Variants in POC5 observed in about 807,000 individuals in gnomAD.
POC5 encodes POC5 centriolar protein.
POC5 carries 48 observed loss-of-function variants against 62.9 expected under a neutral mutation model. The ratio of observed to expected loss-of-function variants is 0.76; its 90% CI spans 0.61 to 0.97. The LOEUF (loss-of-function observed/expected upper bound fraction) is 0.97, where lower values mean the gene tolerates loss of function less well. Among genes scored for constraint, POC5 ranks in the 50% least tolerant of loss-of-function variants. The pLI is 0.00. For missense variants in POC5, 696 were observed against 679.5 expected, an observed-to-expected ratio of 1.02 and a Z score of -0.27; for synonymous variants, 236 against 228.2, an observed-to-expected ratio of 1.03 and a Z score of -0.31.
chr5:75,713,337 A>C (rs1356183784), intron 1 of POC5, among the ~76,000 whole-genome samples: 2 of 152,252 alleles, frequency 1.3e-5, no homozygotes, highest in Non-Finnish European at 2.9e-5. Flanking sequence ...ACCTTTGGAA[A>C]TATTATTTTA....
At chr5:75,711,342 G>A (rs1777336226) in intron 2 of POC5, among the ~76,000 whole-genome samples, 1 of 150,838 alleles carries the variant, frequency 6.6e-6, no homozygotes. Flanking sequence ...TCAACCATTA[G>A]AGTCAGAGCA....
chr5:75,695,831 G>C (rs1431761403), intron 5 of POC5, among the ~76,000 whole-genome samples: 4 of 152,304 alleles, frequency 2.6e-5, no homozygotes, highest in East Asian at 3.9e-4. Context: ...GTGCCAGACA[G>C]TGGGCGCAGG....
chr5:75,711,008 TACC>T (rs903752391), intron 2 of POC5, among the ~76,000 whole-genome samples: 2 of 152,208 alleles, frequency 1.3e-5, no homozygotes, highest in African/African-American at 4.8e-5. Context: ...TCATATATTT[TACC>T]ACAATTGCTA....
chr5:75,710,774 A>G (rs1040508010), intron 2 of POC5, among the ~76,000 whole-genome samples: 29 of 152,160 alleles, frequency 1.9e-4, no homozygotes, highest in African/African-American at 7.0e-4. Context: ...TAAACTTTTT[A>G]TAGTGTTCCT....
Position 75,677,931 on chromosome 5 carries a change from G to C in POC5, c.1427C>G (p.Thr476Ser). ...TCTTCCTGCTTTCTGTTGTGCAGAG[G>C]TTACAACTCTTGGCACATACTAAGA... ...SEEMYVPRVVTSAQQKAGRTI... is the reference protein window; with the variant it reads ...SEEMYVPRVVSSAQQKAGRTI... Residue 476 changes from threonine to serine, a missense_variant, in exon 11 of 12, where the codon ACC becomes AGC. Thr to Ser is a moderately conservative substitution (Grantham distance 58, BLOSUM62 1). Coordinates refer to ENST00000428202, the MANE Select transcript of POC5 (RefSeq NM_001099271.2). The C allele has an allele frequency of 6.3e-7, 1 of 1,593,418 alleles. No homozygotes were observed. The highest frequency in any genetic ancestry group is 8.5e-7 in the Non-Finnish European group (1 of 1,170,008).
At chr5:75,714,764 G>C (rs898244689) in intron 1 of POC5, among the ~76,000 whole-genome samples, 1 of 152,054 alleles carries the variant, frequency 6.6e-6, no homozygotes, top group African/African-American at 2.4e-5. Context: ...TGCAGTCTGT[G>C]GTCACACTGG....
At chr5:75,712,788 G>T in intron 2 of POC5, 66 bp downstream of exon 2, 1 of 1,211,482 alleles carries the variant, frequency 8.3e-7, no homozygotes, top group Non-Finnish European at 1.2e-6. Flanking sequence ...AAAAATCCTA[G>T]TTTTCCCTTA....
chr5:75,699,981 G>A (rs991455053), intron 5 of POC5, among the ~76,000 whole-genome samples: 7 of 151,920 alleles, frequency 4.6e-5, no homozygotes, highest in African/African-American at 1.7e-4. Context: ...GCTTCAAAGA[G>A]AATAAAATAC....
intron 5 of POC5, among the ~76,000 whole-genome samples, chr5:75,696,908 G>A (rs1368702869): frequency 6.6e-6 from 1 of 152,002 alleles, no homozygotes; most frequent in Admixed American, 6.6e-5. Context: ...CGTGAAGAAT[G>A]CAGAAGCCTC....
chr5:75,676,548 G>C (rs28579121), intron 11 of POC5, among the ~76,000 whole-genome samples: 31,775 of 73,858 alleles, frequency 0.43, 5,093 homozygotes, highest in African/African-American at 0.58. Flanking sequence ...GCTAGTACTC[G>C]GGAAAAAAGG....
intron 11 of POC5, 37 bp downstream of exon 11, chr5:75,677,737 A>C: frequency 6.7e-7 from 1 of 1,502,266 alleles, no homozygotes; most frequent in Non-Finnish European, 8.9e-7. Flanking sequence ...CTCAGGAAAA[A>C]GACTTTTTGA....
intron 10 of POC5, among the ~76,000 whole-genome samples, chr5:75,678,203 T>A (rs1775747017): frequency 6.6e-6 from 1 of 152,042 alleles, no homozygotes; most frequent in African/African-American, 2.4e-5. Flanking sequence ...TTTTTTTTTT[T>A]AAATGATAGA....
At chr5:75,715,948 G>A (rs4640771) in intron 1 of POC5, among the ~76,000 whole-genome samples, 4,984 of 152,286 alleles carry the variant, frequency 0.033, 267 homozygotes, top group African/African-American at 0.11. Flanking sequence ...AAAGAACCAT[G>A]AGGATTGGAT....
chr5:75,689,538 A>C, intron 8 of POC5: 1 of 983,542 alleles, frequency 1.0e-6, no homozygotes, highest in Non-Finnish European at 1.2e-6. Flanking sequence ...AAATAAAATA[A>C]ACTACATGCC....
chr5:75,683,273 C>T (rs1369484516), intron 10 of POC5, among the ~76,000 whole-genome samples: 3 of 151,256 alleles, frequency 2.0e-5, no homozygotes, highest in African/African-American at 4.8e-5. Context: ...CTCGCTGTGT[C>T]GCCCAGGCTG....
At chr5:75,692,596 G>C (rs1776389966) in intron 6 of POC5, 96 bp from the exon 7 acceptor site, 1 of 782,450 alleles carries the variant, frequency 1.3e-6, no homozygotes, top group Non-Finnish European at 2.0e-6. Flanking sequence ...GAGAGGATAG[G>C]TATGGATCAC....
rs1396175277 is a variant in POC5 at position 75,684,384 on chromosome 5, C to T, written c.1407+823G>A. On this transcript the variant is annotated intron_variant, in intron 10 of 11. Transcript: ENST00000428202. ...CATAATTTTTTTTTTTTTTTTTTTG[C>T]GACGGAGTTTCACTCTTGTTGCCCA... Among the ~76,000 whole-genome samples, 558 of 84,300 alleles carry T rather than the reference C, an allele frequency of 6.6e-3. 4 individuals carry two copies. Among genetic ancestry groups the T allele is most frequent in the African/African-American group, 0.022 (515 of 23,742 alleles). 55.3% of individuals were successfully genotyped at this position (84,300 alleles called of 152,430 possible). A position where few individuals can be genotyped will look rare whatever the true frequency, so the allele number is the denominator to read the frequency against.
In POC5 at chr5:75,707,744, A is replaced by G. The variant is rs534870574; in HGVS notation, c.216T>C (p.His72=). The G allele has an allele frequency of 6.5e-7, 1 of 1,536,602 alleles. No individual in the cohort carries two copies. Among genetic ancestry groups the G allele is most frequent in the African/African-American group, 1.4e-5 (1 of 72,742 alleles). The change falls in exon 3 of 12, where the codon CAT becomes CAC. Residue 72 remains histidine (H), a synonymous_variant. Transcript: ENST00000428202. ...TTGAAAAATATATATAACCTTGACTATGAAGAATATCATGAATTGTAGAAA... is the reference window on the plus strand; with the variant it reads ...TTGAAAAATATATATAACCTTGACTGTGAAGAATATCATGAATTGTAGAAA... ...VRISTIHDIL[H]SQGNNSEVRE...
At chr5:75,712,236 T>G (rs1777377094) in intron 2 of POC5, 1 of 1,107,362 alleles carries the variant, frequency 9.0e-7, no homozygotes, top group Non-Finnish European at 1.3e-6. Flanking sequence ...CTGTAAAATT[T>G]AAGATATACC....
Sources: allele counts gnomAD v4.1 joint callset (sites outside exome capture counted in the v4.1 genomes callset), GRCh38; gene constraint gnomAD v4.1.1; transcripts MANE v1.5; gene names NCBI Gene and HGNC (gene_info 2026-07-23, HGNC 2026-07-21).